The following CNBD1 variants were observed in gnomAD, a reference collection of about 807,000 sequenced individuals.
CNBD1 encodes cyclic nucleotide-binding domain-containing protein 1.
Under a neutral mutation model 54.4 loss-of-function variants are expected in CNBD1, and 71 were observed. The observed-to-expected ratio is 1.30, with a 90% confidence interval of 1.08 to 1.59. CNBD1 has a LOEUF of 1.59. Ranked by LOEUF, CNBD1 falls within the 40% of genes most tolerant of loss-of-function variation. The pLI, the probability that CNBD1 is intolerant of heterozygous loss-of-function variation, is 0.00. For synonymous variants in CNBD1, 182 were observed against 170.7 expected, an observed-to-expected ratio of 1.07 and a Z score of -0.51; for missense variants, 659 against 518.0, an observed-to-expected ratio of 1.27 and a Z score of -2.64.
At chr8:87,070,264 A>G (rs537808845) in intron 4 of CNBD1, among the ~76,000 whole-genome samples, 3 of 152,172 alleles carry the variant, frequency 2.0e-5, no homozygotes, top group East Asian at 1.9e-4. Context: ...CCTACCCCGC[A>G]TATATCTATA....
intron 2 of CNBD1, among the ~76,000 whole-genome samples, chr8:87,421,563 A>C (rs897313312): frequency 2.6e-5 from 4 of 151,846 alleles, no homozygotes; most frequent in Non-Finnish European, 4.4e-5. Context: ...ACTGAGAATG[A>C]TGATTTCCGA....
intron 6 of CNBD1, among the ~76,000 whole-genome samples, chr8:87,255,995 ATATATATATATATATATATATTTT>A (rs1243878444): frequency 1.2e-3 from 19 of 15,660 alleles, no homozygotes; most frequent in East Asian, 3.0e-3. Flanking sequence ...ATATATATAT[ATATATATATATATATATATATTTT>A]TTTTTTTTTT....
At chr8:87,057,669 T>C (rs940904407) in intron 4 of CNBD1, among the ~76,000 whole-genome samples, 1 of 152,082 alleles carries the variant, frequency 6.6e-6, no homozygotes, top group Non-Finnish European at 1.5e-5. Context: ...GCCAACATGG[T>C]GAAACCCTGT....
intron 4 of CNBD1, among the ~76,000 whole-genome samples, chr8:87,027,077 A>T (rs1398542189): frequency 1.3e-5 from 2 of 152,144 alleles, no homozygotes; most frequent in Non-Finnish European, 2.9e-5. Flanking sequence ...TTAACTTATG[A>T]GTGCTTTTTT....
chr8:87,062,695 C>T (rs966079872), intron 4 of CNBD1, among the ~76,000 whole-genome samples: 13 of 151,540 alleles, frequency 8.6e-5, no homozygotes, highest in African/African-American at 2.7e-4. Context: ...CCAAGATCAC[C>T]GTTGCACTCC....
chr8:87,213,430 C>T (rs960598714), intron 5 of CNBD1, among the ~76,000 whole-genome samples: 1 of 152,072 alleles, frequency 6.6e-6, no homozygotes, highest in African/African-American at 2.4e-5. Context: ...GGGGAAGCCT[C>T]AAAATCATGG....
chr8:87,271,597 A>C (rs1301281484), intron 6 of CNBD1, among the ~76,000 whole-genome samples: 1 of 151,948 alleles, frequency 6.6e-6, no homozygotes, highest in African/African-American at 2.4e-5. Context: ...AAAAAAATTC[A>C]GAGAATAACA....
chr8:86,991,172 C>A (rs1461060771), intron 4 of CNBD1, among the ~76,000 whole-genome samples: 2 of 151,996 alleles, frequency 1.3e-5, no homozygotes, highest in African/African-American at 4.8e-5. Flanking sequence ...CCCTTTATTT[C>A]TTTATCTTAT....
intron 3 of CNBD1, among the ~76,000 whole-genome samples, chr8:86,927,205 C>T (rs913221890): frequency 6.6e-6 from 1 of 152,256 alleles, no homozygotes; most frequent in Non-Finnish European, 1.5e-5. Flanking sequence ...TGGGAGCAAA[C>T]TGAGTGGCTC....
intron 5 of CNBD1, among the ~76,000 whole-genome samples, chr8:87,225,019 T>G (rs996520305): frequency 2.0e-5 from 3 of 151,962 alleles, no homozygotes; most frequent in Non-Finnish European, 4.4e-5. Flanking sequence ...TGAATGGGAG[T>G]TCACTCGTGA....
chr8:87,046,687 T>C (rs1702435961), intron 4 of CNBD1, among the ~76,000 whole-genome samples: 1 of 152,226 alleles, frequency 6.6e-6, no homozygotes, highest in Admixed American at 6.5e-5. Flanking sequence ...ATCTTTGATA[T>C]AGGGATAAAA....
At chr8:86,917,761 C>A (rs539996860) in intron 3 of CNBD1, among the ~76,000 whole-genome samples, 1 of 152,248 alleles carries the variant, frequency 6.6e-6, no homozygotes, top group South Asian at 2.1e-4. Context: ...CTTCCTCTCT[C>A]CAACTACAAT....
chr8:87,140,916 A>G (rs970301492), intron 4 of CNBD1, among the ~76,000 whole-genome samples: 2 of 152,166 alleles, frequency 1.3e-5, no homozygotes, highest in African/African-American at 4.8e-5. Flanking sequence ...ATCATTAAAT[A>G]ATACATAGTG....
intron 4 of CNBD1, among the ~76,000 whole-genome samples, chr8:87,162,848 G>A (rs971202358): frequency 3.3e-5 from 5 of 152,062 alleles, no homozygotes; most frequent in African/African-American, 7.2e-5. Flanking sequence ...TGTTGCCAAC[G>A]TGATGGTAGT....
At chr8:87,201,380 A>G (rs1813858735) in intron 4 of CNBD1, among the ~76,000 whole-genome samples, 1 of 152,208 alleles carries the variant, frequency 6.6e-6, no homozygotes, top group African/African-American at 2.4e-5. Flanking sequence ...GTTCTAGTTA[A>G]GACAGTCATT....
chr8:87,335,822 G>C (rs1377154897), intron 8 of CNBD1, among the ~76,000 whole-genome samples: 1 of 152,050 alleles, frequency 6.6e-6, no homozygotes, highest in Admixed American at 6.6e-5. Flanking sequence ...TATTTTTTGT[G>C]TGTTTTGCAG....
rs1810302474 is a variant in CNBD1 at position 87,351,812 on chromosome 8, A to G, written c.1152+18A>G. 6.9e-7 allele frequency: 1 copy of G among 1,447,430 alleles called. No homozygotes were observed. Among genetic ancestry groups the G allele is most frequent in the Admixed American group, 3.2e-5 (1 of 30,916 alleles). 89.7% of individuals were successfully genotyped at this position (1,447,430 alleles called of 1,614,324 possible). ...ATAAAGTGGTAAGTTTTCAACATGT[A>G]TTCTTTTTAATCAATTAATCTACTC... is the stretch of plus-strand genomic sequence containing the variant. On this transcript the variant is annotated intron_variant, in intron 9 of 10. Coordinates refer to ENST00000518476, the MANE Select transcript of CNBD1 (RefSeq NM_173538.3).
chr8:86,868,609 G>A (rs564394232), intron 1 of CNBD1, among the ~76,000 whole-genome samples: 1 of 152,230 alleles, frequency 6.6e-6, no homozygotes, highest in Non-Finnish European at 1.5e-5. Context: ...AGGATTTACA[G>A]GCGTGAGCTA....
Position 87,166,268 on chromosome 8 carries a change from C to G in CNBD1, c.432-39725C>G, listed in dbSNP as rs1364571108. ...CTTTTACACCACTGTATCAGTAAGT[C>G]TTTTCAGGTCCATCTCCAATATATA... is the stretch of plus-strand genomic sequence containing the variant. On this transcript the variant is annotated intron_variant, in intron 4 of 10. Coordinates refer to ENST00000518476, the MANE Select transcript of CNBD1 (RefSeq NM_173538.3). This position sits in a 1 kb window ranked among gnomAD's most constrained non-coding sequence, Gnocchi z 4.3. Among the ~76,000 whole-genome samples, 1 of 151,872 alleles carries G rather than the reference C, an allele frequency of 6.6e-6. No homozygotes were observed. Among genetic ancestry groups the G allele is most frequent in the Admixed American group, 6.6e-5 (1 of 15,196 alleles).
Sources: allele counts gnomAD v4.1 joint callset (sites outside exome capture counted in the v4.1 genomes callset), GRCh38; gene constraint gnomAD v4.1.1; non-coding constraint Gnocchi (gnomAD v3.1); transcripts MANE v1.5; gene names NCBI Gene and HGNC (gene_info 2026-07-23, HGNC 2026-07-21).